MYLK: variants seen among roughly 807,000 people sequenced by gnomAD.
The protein encoded by MYLK is myosin light chain kinase.
MYLK carries 106 observed loss-of-function variants against 203.4 expected under a neutral mutation model. The ratio of observed to expected loss-of-function variants is 0.52; its 90% CI spans 0.45 to 0.61. The LOEUF (loss-of-function observed/expected upper bound fraction) is 0.61, where lower values mean the gene tolerates loss of function less well. Among genes scored for constraint, MYLK ranks in the 20% least tolerant of loss-of-function variants. The probability of loss-of-function intolerance (pLI) is 0.00; values close to 1 mark genes in which losing one functional copy is unlikely to be tolerated. For synonymous variants in MYLK, 867 were observed against 959.5 expected, an observed-to-expected ratio of 0.90 and a Z score of 1.78; for missense variants, 2,072 against 2,442.3, an observed-to-expected ratio of 0.85 and a Z score of 3.20.
intron 3 of MYLK, among the ~76,000 whole-genome samples, chr3:123,808,477 T>A (rs1253901562): frequency 6.6e-6 from 1 of 152,196 alleles, no homozygotes; most frequent in African/African-American, 2.4e-5. Flanking sequence ...AACCAAAAAA[T>A]TCAGATCATT....
Position 123,648,962 on chromosome 3 carries a change from T to C in MYLK, c.4415+9A>G, listed in dbSNP as rs187964526. 1.8e-4 allele frequency: 292 copies of C among 1,613,636 alleles called. 1 individual carries two copies. The African/African-American group carries it at 3.6e-3, about 20-fold the overall frequency. On this transcript the variant is annotated intron_variant, in intron 26 of 33. Coordinates refer to ENST00000360304, the MANE Select transcript of MYLK (RefSeq NM_053025.4). This position sits in a 1 kb window ranked among gnomAD's most constrained non-coding sequence, Gnocchi z 4.5. ...TGGGAGCCCAGAGGCAACTTCCCAC[T>C]CCACTTACGATCCTAATCTCTCCTC...
chr3:123,869,062 A>G (rs2032550721), intron 2 of MYLK, among the ~76,000 whole-genome samples: 1 of 152,096 alleles, frequency 6.6e-6, no homozygotes, highest in South Asian at 2.1e-4. Context: ...CCTTGGTCTG[A>G]TTGTCCCAGA....
rs764534299 is a variant in MYLK, at chr3:123,734,063, G to A, written c.933C>T (p.Asn311=). The A allele has an allele frequency of 5.6e-6, 9 of 1,613,706 alleles. No individual in the cohort carries two copies. ...ACTCCCTTGGGGGCTGAGGCTGGCT[G>A]TTTGCAGCCCAGGGTGGGGAGCCAC... ...QRGGSPPWAA[N]SQPQPPRESK... The change falls in exon 10 of 34, where the codon AAC becomes AAT. Residue 311 remains asparagine (N), a synonymous_variant. Transcript: ENST00000360304.
At chr3:123,687,844 G>A (rs1576557195) in intron 19 of MYLK, among the ~76,000 whole-genome samples, 1 of 151,962 alleles carries the variant, frequency 6.6e-6, no homozygotes, top group Non-Finnish European at 1.5e-5. Flanking sequence ...GGCAACTTTT[G>A]TATTTTTTGT....
chr3:123,756,845 C>T (rs1576864754), intron 4 of MYLK, among the ~76,000 whole-genome samples: 1 of 151,992 alleles, frequency 6.6e-6, no homozygotes. Context: ...AACAAAAGCC[C>T]GGTATCAAAT....
intron 3 of MYLK, among the ~76,000 whole-genome samples, chr3:123,808,126 C>T (rs1433111763): frequency 6.6e-6 from 1 of 152,246 alleles, no homozygotes; most frequent in Non-Finnish European, 1.5e-5. Context: ...GCTCTTCCTC[C>T]AGCCTCCTTC....
Position 123,709,813 on chromosome 3 carries a change from G to A in MYLK, c.1885C>T (p.Leu629Phe), listed in dbSNP as rs1249721390. 1.2e-6 allele frequency: 2 copies of A among 1,614,090 alleles called. No homozygotes were observed. The highest frequency in any genetic ancestry group is 1.7e-6 in the Non-Finnish European group (2 of 1,180,040). Residue 629 changes from leucine (L) to phenylalanine (F), a missense_variant, in exon 14 of 34, where the codon CTC becomes TTC. Physicochemically the swap from Leu to Phe is conservative, Grantham distance 22 (BLOSUM62 0). Around this residue, in one of 3 missense-constraint regions of MYLK, gnomAD observed 865 missense variants for 1,016.0 expected, o/e 0.85. Coordinates refer to ENST00000360304, the MANE Select transcript of MYLK (RefSeq NM_053025.4). Reference protein sequence around the residue: ...KPTAPIFLQGLSDLKVMDGSQ... With the variant: ...KPTAPIFLQGFSDLKVMDGSQ... ...CCATCCATGACTTTGAGATCAGAGA[G>A]GCCCTGCAGGAAGATGGGTGCAGTG... is the stretch of plus-strand genomic sequence containing the variant.
At chr3:123,865,333 C>T (rs55923707) in intron 2 of MYLK, among the ~76,000 whole-genome samples, 12,885 of 152,224 alleles carry the variant, frequency 0.085, 676 homozygotes, top group Non-Finnish European at 0.12. Flanking sequence ...TATCTCCATA[C>T]TCATGTCTCT....
intron 29 of MYLK, among the ~76,000 whole-genome samples, chr3:123,635,520 G>T (rs1481598695): frequency 6.6e-6 from 1 of 152,108 alleles, no homozygotes; most frequent in Non-Finnish European, 1.5e-5. Flanking sequence ...CCTGGCCTGG[G>T]TCCTTGCCAC....
chr3:123,618,470 G>T, intron 33 of MYLK, 169 bp downstream of exon 33: 1 of 803,798 alleles, frequency 1.2e-6, no homozygotes, highest in Non-Finnish European at 2.1e-6. Flanking sequence ...GGAGTGCAGG[G>T]CATAGCCCTT....
chr3:123,816,497 CAG>C (rs1328667606), intron 3 of MYLK, among the ~76,000 whole-genome samples: 1 of 152,210 alleles, frequency 6.6e-6, no homozygotes, highest in Non-Finnish European at 1.5e-5. Context: ...TATTAGGCGA[CAG>C]AGTCAACATT....
chr3:123,728,535 A>G (rs1353702072), intron 11 of MYLK, among the ~76,000 whole-genome samples: 3 of 151,950 alleles, frequency 2.0e-5, no homozygotes, highest in African/African-American at 7.3e-5. Context: ...AACAACAACA[A>G]AAAACCCCAA....
In MYLK at chr3:123,717,751, G is replaced by A. The variant is rs985660280; in HGVS notation, c.1804+4377C>T. ...GATCAGGACTCATCCTGGGTCAGGA[G>A]GAAAGACATTCATTGCTTGGTTAAC... On this transcript the variant is annotated intron_variant, in intron 13 of 33. Coordinates refer to ENST00000360304, the MANE Select transcript of MYLK (RefSeq NM_053025.4). Among the ~76,000 whole-genome samples the A allele has an allele frequency of 1.6e-4, 24 of 152,178 alleles. 1 individual carries two copies. Among genetic ancestry groups the A allele is most frequent in the African/African-American group, 5.8e-4 (24 of 41,500 alleles).
At chr3:123,772,011 C>A (rs888052098) in intron 4 of MYLK, among the ~76,000 whole-genome samples, 1 of 151,960 alleles carries the variant, frequency 6.6e-6, no homozygotes, top group African/African-American at 2.4e-5. Flanking sequence ...CCAGTTATAA[C>A]CTACTCAAAA....
At chr3:123,627,026 T>C in intron 30 of MYLK, 85 bp from the exon 31 acceptor site, 3 of 1,524,714 alleles carry the variant, frequency 2.0e-6, no homozygotes, top group Non-Finnish European at 2.7e-6. Context: ...AGGCCACCTG[T>C]CCCTGGTCAT....
intron 5 of MYLK, among the ~76,000 whole-genome samples, chr3:123,743,501 T>C (rs1031511944): frequency 6.6e-6 from 1 of 152,152 alleles, no homozygotes; most frequent in Non-Finnish European, 1.5e-5. Context: ...AAAATTAATT[T>C]TGTAAAAGTA....
intron 8 of MYLK, 69 bp downstream of exon 8, chr3:123,737,309 A>G: frequency 6.2e-7 from 1 of 1,604,818 alleles, no homozygotes; most frequent in Non-Finnish European, 8.5e-7. Flanking sequence ...GCAGTGAACA[A>G]GCAGCTCCTC....
chr3:123,855,466 T>G (rs148148419), intron 2 of MYLK, among the ~76,000 whole-genome samples: 6 of 152,040 alleles, frequency 3.9e-5, no homozygotes, highest in Non-Finnish European at 5.9e-5. Context: ...TTTATTATTT[T>G]TTTTAAGAGA....
chr3:123,769,018 G>A (rs1186249947), intron 4 of MYLK, among the ~76,000 whole-genome samples: 4 of 152,172 alleles, frequency 2.6e-5, no homozygotes, highest in Non-Finnish European at 5.9e-5. Context: ...ATTATCTACA[G>A]TGGTCACATT....
Sources: gnomAD v4.1 joint callset for allele counts (sites outside exome capture counted in the v4.1 genomes callset) on GRCh38, gnomAD v4.1.1 for gene constraint, gnomAD v4.1.1 regional missense constraint, Gnocchi (gnomAD v3.1) non-coding constraint, MANE v1.5 for transcripts, NCBI Gene and HGNC (gene_info 2026-07-23, HGNC 2026-07-21) for gene names.